The following WDPCP variants were observed in gnomAD, a reference collection of about 807,000 sequenced individuals.
The protein encoded by WDPCP is WD repeat containing planar cell polarity effector.
Under a neutral mutation model 93.1 loss-of-function variants are expected in WDPCP, and 71 were observed. The ratio of observed to expected loss-of-function variants is 0.76; its 90% CI spans 0.63 to 0.93. The LOEUF (loss-of-function observed/expected upper bound fraction) is 0.93, where lower values mean the gene tolerates loss of function less well. WDPCP is among the 40% of genes least tolerant of loss of function. The probability of loss-of-function intolerance (pLI) is 0.00; values close to 1 mark genes in which losing one functional copy is unlikely to be tolerated. For missense variants in WDPCP, 844 were observed against 887.4 expected (o/e 0.95, Z 0.62); for synonymous variants, 315 against 315.0 (o/e 1.00, Z 0.00).
At chr2:63,302,150 A>G (rs1320930934) in intron 13 of WDPCP, among the ~76,000 whole-genome samples, 1 of 152,048 alleles carries the variant, frequency 6.6e-6, no homozygotes, top group Non-Finnish European at 1.5e-5. Context: ...TTTTCTAACG[A>G]CTCTGATAGG....
chr2:63,401,762 G>A (rs1218481022), intron 10 of WDPCP, among the ~76,000 whole-genome samples: 5 of 152,186 alleles, frequency 3.3e-5, no homozygotes, highest in South Asian at 4.2e-4. Flanking sequence ...CTGAGATCAC[G>A]CCACTGCACT....
At chr2:63,510,452 A>G (rs1414747847) in intron 1 of WDPCP, among the ~76,000 whole-genome samples, 4 of 152,240 alleles carry the variant, frequency 2.6e-5, no homozygotes, top group Non-Finnish European at 5.9e-5. Flanking sequence ...AGAGCTATTT[A>G]TGACAAATCC....
intron 1 of WDPCP, among the ~76,000 whole-genome samples, chr2:63,575,314 A>AC (rs1434319595): frequency 1.0e-4 from 15 of 143,814 alleles, no homozygotes; most frequent in Non-Finnish European, 1.5e-4. Flanking sequence ...TATAGTATGT[A>AC]CATATATACA....
intron 13 of WDPCP, among the ~76,000 whole-genome samples, chr2:63,304,247 C>A (rs138698982): frequency 3.9e-5 from 6 of 152,288 alleles, no homozygotes; most frequent in African/African-American, 9.6e-5. Flanking sequence ...AAGTCTTCAT[C>A]AATGGTTGAT....
At chr2:63,410,318 T>C (rs1333905204) in intron 9 of WDPCP, among the ~76,000 whole-genome samples, 1 of 152,220 alleles carries the variant, frequency 6.6e-6, no homozygotes, top group Non-Finnish European at 1.5e-5. Flanking sequence ...AAACAAATGC[T>C]AAGAGAATTT....
At chr2:63,802,281 T>TAAAAAAAAAAAAAAAA (rs58717654) in intron 2 of WDPCP, among the ~76,000 whole-genome samples, 2 of 54,390 alleles carry the variant, frequency 3.7e-5, no homozygotes, top group Non-Finnish European at 6.9e-5. Flanking sequence ...CCCTCTCTCT[T>TAAAAAAAAAAAAAAAA]AAAAAAAAAA....
intron 2 of WDPCP, among the ~76,000 whole-genome samples, chr2:63,492,547 T>A (rs1700956513): frequency 6.6e-6 from 1 of 152,054 alleles, no homozygotes; most frequent in African/African-American, 2.4e-5. Flanking sequence ...CTCTGTCACC[T>A]GGGCTAGAGC....
At chr2:63,829,682 C>T (rs1043350526), upstream of WDPCP, among the ~76,000 whole-genome samples, 3 of 152,208 alleles carry the variant, frequency 2.0e-5, no homozygotes, top group Admixed American at 1.3e-4. Context: ...TTTATCCTTT[C>T]GCTTCCTTCC....
intron 15 of WDPCP, among the ~76,000 whole-genome samples, chr2:63,160,116 A>G (rs1047726321): frequency 1.3e-5 from 2 of 152,158 alleles, no homozygotes; most frequent in Non-Finnish European, 2.9e-5. Flanking sequence ...TTTACTTTTC[A>G]GACTCCCCAA....
chr2:63,548,496 C>T (rs549270547), intron 1 of WDPCP, among the ~76,000 whole-genome samples: 11 of 151,946 alleles, frequency 7.2e-5, no homozygotes, highest in Non-Finnish European at 1.2e-4. Flanking sequence ...GATTTTAGAA[C>T]AGCATTAACA....
chr2:63,404,926 T>C (rs1217059398), intron 9 of WDPCP, among the ~76,000 whole-genome samples: 3 of 152,218 alleles, frequency 2.0e-5, no homozygotes, highest in African/African-American at 7.2e-5. Context: ...TATAAGATTT[T>C]AACTTTAACA....
chr2:63,449,805 T>C (rs1698111371), intron 6 of WDPCP, among the ~76,000 whole-genome samples: 1 of 152,002 alleles, frequency 6.6e-6, no homozygotes, highest in African/African-American at 2.4e-5. Context: ...CTGGGCACCA[T>C]TACACAGCTG....
intron 2 of WDPCP, among the ~76,000 whole-genome samples, chr2:63,728,035 G>C (rs1381031619): frequency 6.6e-6 from 1 of 152,078 alleles, no homozygotes; most frequent in African/African-American, 2.4e-5. Context: ...TGCAGACATG[G>C]TACTGTTTAT....
At chr2:63,600,268 G>A (rs1267501280) in intron 3 of WDPCP, among the ~76,000 whole-genome samples, 3 of 152,176 alleles carry the variant, frequency 2.0e-5, no homozygotes, top group Admixed American at 6.5e-5. Flanking sequence ...TGCTATACAT[G>A]TAATTTTCCA....
chr2:63,484,394 C>G (rs1052786166), intron 6 of WDPCP, among the ~76,000 whole-genome samples: 2 of 151,932 alleles, frequency 1.3e-5, no homozygotes, highest in South Asian at 4.1e-4. Context: ...TATGTCAGTA[C>G]AACTATACTG....
chr2:63,632,624 G>A (rs1048097658), intron 3 of WDPCP, among the ~76,000 whole-genome samples: 5 of 152,058 alleles, frequency 3.3e-5, no homozygotes, highest in African/African-American at 1.2e-4. Flanking sequence ...ACAAGTGGAG[G>A]GGAAAAAGTA....
At chr2:63,246,140 G>T (rs1290045296) in intron 14 of WDPCP, among the ~76,000 whole-genome samples, 3 of 152,150 alleles carry the variant, frequency 2.0e-5, no homozygotes, top group African/African-American at 7.2e-5. Context: ...ACTCTGCTGA[G>T]ATATATTAAT....
chr2:63,583,665 G>A (rs1469561041), intron 1 of WDPCP, among the ~76,000 whole-genome samples: 1 of 139,630 alleles, frequency 7.2e-6, no homozygotes, highest in African/African-American at 2.9e-5. Context: ...TGGCGACAGA[G>A]CAAGACTCCG....
intron 3 of WDPCP, among the ~76,000 whole-genome samples, chr2:63,620,704 C>T (rs1403629064): frequency 1.3e-5 from 2 of 152,170 alleles, no homozygotes; most frequent in Non-Finnish European, 2.9e-5. Context: ...CAAGTGGGTG[C>T]CTGAACCCCC....
Sources: gnomAD v4.1 joint callset for allele counts (sites outside exome capture counted in the v4.1 genomes callset) on GRCh38, gnomAD v4.1.1 for gene constraint, MANE v1.5 for transcripts, NCBI Gene and HGNC (gene_info 2026-07-23, HGNC 2026-07-21) for gene names.